CCSER1: variants seen among roughly 807,000 people sequenced by gnomAD.
The protein encoded by CCSER1 is serine-rich coiled-coil domain-containing protein 1.
Under a neutral mutation model 82.0 loss-of-function variants are expected in CCSER1, and 41 were observed. The observed-to-expected ratio is 0.50, with a 90% confidence interval of 0.39 to 0.65. The LOEUF (loss-of-function observed/expected upper bound fraction) is 0.65. Among genes scored for constraint, CCSER1 ranks in the 30% least tolerant of loss-of-function variants. CCSER1 has a pLI of 0.00. For missense variants in CCSER1, 1,119 were observed against 1,064.2 expected (o/e 1.05, Z -0.72); for synonymous variants, 414 against 383.9 (o/e 1.08, Z -0.92).
At chr4:90,520,647 C>G (rs191288618) in intron 5 of CCSER1, among the ~76,000 whole-genome samples, 60 of 152,154 alleles carry the variant, frequency 3.9e-4, no homozygotes, top group African/African-American at 1.3e-3. Context: ...AAAAGAAAAC[C>G]TTACTACTTA....
At chr4:90,515,995 A>G (rs925688826) in intron 5 of CCSER1, among the ~76,000 whole-genome samples, 1 of 152,220 alleles carries the variant, frequency 6.6e-6, no homozygotes, top group Non-Finnish European at 1.5e-5. Context: ...TAAAACAGAA[A>G]TGGCTTCATG....
intron 1 of CCSER1, among the ~76,000 whole-genome samples, chr4:90,256,632 GA>G (rs957001171): frequency 5.1e-4 from 78 of 152,242 alleles, no homozygotes; most frequent in African/African-American, 1.9e-3. Context: ...GAGAAACTCA[GA>G]ATCAGAAAGA....
chr4:90,412,014 C>T (rs535796085), intron 4 of CCSER1, among the ~76,000 whole-genome samples: 48 of 152,030 alleles, frequency 3.2e-4, no homozygotes, highest in East Asian at 9.7e-4. Context: ...CACATGCACA[C>T]GTATGTTTAT....
chr4:91,304,757 T>C (rs1429384324), intron 10 of CCSER1, among the ~76,000 whole-genome samples: 1 of 152,090 alleles, frequency 6.6e-6, no homozygotes, highest in Non-Finnish European at 1.5e-5. Context: ...CGAATGTTAA[T>C]GGAAACATAT....
At chr4:91,047,179 G>C (rs910080006) in intron 9 of CCSER1, among the ~76,000 whole-genome samples, 1 of 150,520 alleles carries the variant, frequency 6.6e-6, no homozygotes, top group Non-Finnish European at 1.5e-5. Context: ...GAGTTGCAGT[G>C]AGCTGACTTA....
intron 9 of CCSER1, among the ~76,000 whole-genome samples, chr4:91,074,564 T>C (rs1250734626): frequency 6.6e-6 from 1 of 152,218 alleles, no homozygotes; most frequent in Non-Finnish European, 1.5e-5. Context: ...CTATGATTTA[T>C]GATAGAACTG....
At chr4:90,659,135 A>G (rs1730286569) in intron 6 of CCSER1, among the ~76,000 whole-genome samples, 1 of 151,054 alleles carries the variant, frequency 6.6e-6, no homozygotes, top group African/African-American at 2.4e-5. Context: ...CTACTCCTAA[A>G]TTAATGTTAC....
At chr4:90,546,483 T>C (rs895125513) in intron 5 of CCSER1, among the ~76,000 whole-genome samples, 3 of 152,164 alleles carry the variant, frequency 2.0e-5, no homozygotes, top group African/African-American at 7.2e-5. Context: ...AATGGCTGAA[T>C]TAATTGTTTA....
chr4:90,787,974 T>C (rs929548282), intron 7 of CCSER1, among the ~76,000 whole-genome samples: 1 of 152,170 alleles, frequency 6.6e-6, no homozygotes. Flanking sequence ...TACACTGACT[T>C]AAGTAGGCAG....
intron 9 of CCSER1, among the ~76,000 whole-genome samples, chr4:91,037,967 T>A (rs1741599160): frequency 6.6e-6 from 1 of 152,180 alleles, no homozygotes; most frequent in Non-Finnish European, 1.5e-5. Flanking sequence ...ATACATATCA[T>A]ATTTACAATG....
chr4:91,377,255 G>A lies in CCSER1; in HGVS notation c.2218-221317G>A, dbSNP rs1212062475. Among the ~76,000 whole-genome samples the A allele has an allele frequency of 2.6e-5, 4 of 152,224 alleles. 1 individual carries two copies. The East Asian group carries it at 7.7e-4, about 29-fold the overall frequency. On this transcript the variant is annotated intron_variant, in intron 10 of 10. Transcript: ENST00000509176. ...AGCAGGATGACTTATAATCCTTTGG[G>A]TATATACCCAGTAATGAGACAGCTG...
At chr4:91,166,384 T>A (rs1056310762) in intron 10 of CCSER1, among the ~76,000 whole-genome samples, 1 of 152,192 alleles carries the variant, frequency 6.6e-6, no homozygotes, top group African/African-American at 2.4e-5. Context: ...TCCAAATAGA[T>A]GTGCTCTTTC....
intron 1 of CCSER1, among the ~76,000 whole-genome samples, chr4:90,251,524 A>T (rs921977696): frequency 6.6e-5 from 10 of 151,894 alleles, no homozygotes; most frequent in Admixed American, 2.6e-4. Flanking sequence ...GGTATATTAT[A>T]TTGATTAATT....
At chr4:91,189,823 A>G (rs1486552279) in intron 10 of CCSER1, among the ~76,000 whole-genome samples, 1 of 152,128 alleles carries the variant, frequency 6.6e-6, no homozygotes, top group African/African-American at 2.4e-5. Flanking sequence ...TTTGAATTTT[A>G]ATTTTTGAAT....
chr4:91,231,336 A>G (rs912181147), intron 10 of CCSER1, among the ~76,000 whole-genome samples: 2 of 151,870 alleles, frequency 1.3e-5, no homozygotes, highest in African/African-American at 4.8e-5. Context: ...TTTGTGGGAA[A>G]ATTAAAAGAT....
intron 5 of CCSER1, among the ~76,000 whole-genome samples, chr4:90,470,004 T>G (rs1437373172): frequency 1.3e-5 from 2 of 152,182 alleles, no homozygotes; most frequent in Non-Finnish European, 2.9e-5. Flanking sequence ...AGTTTCAGAT[T>G]TTAGAACATT....
In CCSER1 at chr4:91,603,730, A is replaced by C. The variant is rs761582289; in HGVS notation, c.*4673A>C. 1.5e-4 allele frequency: 23 copies of C among 152,238 alleles called. No homozygotes were observed. Among genetic ancestry groups the C allele is most frequent in the Non-Finnish European group, 2.8e-4 (19 of 67,990 alleles). 9.4% of individuals were successfully genotyped at this position (152,238 alleles called of 1,614,324 possible). On this transcript the variant is annotated 3_prime_UTR_variant, in exon 11 of 11. Coordinates refer to ENST00000509176, the MANE Select transcript of CCSER1 (RefSeq NM_001145065.2). ...TTAGTAAATTCGGGTTGCTATAACA[A>C]AATACCATGGACTGGGTGACTAAAC...
intron 9 of CCSER1, among the ~76,000 whole-genome samples, chr4:90,967,130 C>T (rs1050910810): frequency 2.2e-4 from 33 of 151,840 alleles, no homozygotes; most frequent in Non-Finnish European, 3.8e-4. Context: ...AACAAGTGTG[C>T]CAATACATCT....
At chr4:90,356,784 A>G (rs1425303525) in intron 3 of CCSER1, among the ~76,000 whole-genome samples, 1 of 151,790 alleles carries the variant, frequency 6.6e-6, no homozygotes, top group Non-Finnish European at 1.5e-5. Flanking sequence ...TTCTGGGACT[A>G]TTTTAGACGG....
Sources: allele counts gnomAD v4.1 joint callset (sites outside exome capture counted in the v4.1 genomes callset), GRCh38; gene constraint gnomAD v4.1.1; transcripts MANE v1.5; gene names NCBI Gene and HGNC (gene_info 2026-07-23, HGNC 2026-07-21).